JADE1: variants seen among roughly 807,000 people sequenced by gnomAD.
JADE1 encodes the protein jade family PHD finger 1.
Under a neutral mutation model 81.8 loss-of-function variants are expected in JADE1, and 14 were observed. The observed-to-expected ratio is 0.17, with a 90% CI of 0.11 to 0.27. The LOEUF is 0.27. Among genes scored for constraint, JADE1 ranks in the 10% least tolerant of loss-of-function variants. JADE1 has a pLI of 1.00. For synonymous variants in JADE1, 353 were observed against 391.9 expected (o/e 0.90, Z 1.17); for missense variants, 690 against 1,047.9 (o/e 0.66, Z 4.71).
At chr4:128,862,909 T>C (rs1560776688) in intron 9 of JADE1, 1 of 987,326 alleles carries the variant, frequency 1.0e-6, no homozygotes, top group Non-Finnish European at 1.2e-6. Context: ...TGTGTGTGTG[T>C]GTGTGCGCGT....
chr4:128,867,901 C>T lies in JADE1; in HGVS notation c.1549C>T (p.Arg517Trp), dbSNP rs746372557. 10 of 1,613,822 alleles carry T rather than the reference C, an allele frequency of 6.2e-6. No individual in the cohort carries two copies. The highest frequency in any genetic ancestry group is 8.5e-6 in the Non-Finnish European group (10 of 1,179,788). ...GGTGACCCGCAGGGAAAAGATTAAA[C>T]GGTCTGTGTGCAAAGTCCAGGAACA... ...YMVTRREKIK[R>W]SVCKVQEQIF... The change falls in exon 10 of 11, where the codon CGG becomes TGG. Residue 517 changes from arginine to tryptophan, a missense_variant. Arg to Trp is a moderately radical substitution (Grantham distance 101). Transcript: ENST00000226319.
intron 6 of JADE1, 56 bp from the exon 7 acceptor site, chr4:128,855,574 A>G: frequency 6.7e-7 from 1 of 1,483,182 alleles, no homozygotes; most frequent in South Asian, 1.3e-5. Flanking sequence ...ATATAATGGG[A>G]AAAATAACAT....
intron 2 of JADE1, among the ~76,000 whole-genome samples, chr4:128,837,853 C>G (rs1168706420): frequency 6.6e-6 from 1 of 152,198 alleles, no homozygotes; most frequent in African/African-American, 2.4e-5. Flanking sequence ...TGATCAGTGG[C>G]AAGGTTCTTT....
chr4:128,868,032 T>G (rs929944396), intron 10 of JADE1, 59 bp downstream of exon 10: 1 of 793,730 alleles, frequency 1.3e-6, no homozygotes, highest in Non-Finnish European at 2.1e-6. Flanking sequence ...GCTTTAACAC[T>G]GTTGAGGAAG....
At chr4:128,809,923 C>T (rs1424910896) in intron 1 of JADE1, 46 bp downstream of exon 1, 2 of 148,072 alleles carry the variant, frequency 1.4e-5, no homozygotes, top group Non-Finnish European at 3.0e-5. Context: ...GCGCGCCGCG[C>T]GTGTGTCCGC....
intron 6 of JADE1, among the ~76,000 whole-genome samples, chr4:128,852,616 A>C (rs1375848663): frequency 6.6e-6 from 1 of 152,218 alleles, no homozygotes; most frequent in Non-Finnish European, 1.5e-5. Context: ...GAGAAAACAA[A>C]CCTTTGAAAA....
intron 1 of JADE1, among the ~76,000 whole-genome samples, chr4:128,825,128 C>T (rs896486290): frequency 6.6e-6 from 1 of 152,154 alleles, no homozygotes; most frequent in Non-Finnish European, 1.5e-5. Flanking sequence ...CAACCTCTGC[C>T]TCCCGGGTTC....
At chr4:128,827,776 C>G (rs1356592240) in intron 1 of JADE1, 7 of 629,034 alleles carry the variant, frequency 1.1e-5, no homozygotes, top group Non-Finnish European at 1.4e-5. Flanking sequence ...GAAGGGCAAA[C>G]CCACAGGGCA....
At chr4:128,825,697 A>T (rs1340021669) in intron 1 of JADE1, among the ~76,000 whole-genome samples, 1 of 152,230 alleles carries the variant, frequency 6.6e-6, no homozygotes, top group African/African-American at 2.4e-5. Flanking sequence ...CAGACATTCC[A>T]TATCTTGTTC....
chr4:128,865,836 G>T (rs1040163724), intron 9 of JADE1, among the ~76,000 whole-genome samples: 1 of 152,132 alleles, frequency 6.6e-6, no homozygotes, highest in Non-Finnish European at 1.5e-5. Flanking sequence ...TGGCTTCCCC[G>T]TTTTCCATTT....
At chr4:128,866,270 T>C (rs1359180528) in intron 9 of JADE1, among the ~76,000 whole-genome samples, 2 of 152,216 alleles carry the variant, frequency 1.3e-5, no homozygotes, top group South Asian at 2.1e-4. Context: ...TATTCTCAAT[T>C]CTTTAAATTT....
chr4:128,813,391 C>G (rs953050533), intron 1 of JADE1, among the ~76,000 whole-genome samples: 10 of 142,884 alleles, frequency 7.0e-5, no homozygotes, highest in Non-Finnish European at 1.2e-4. Flanking sequence ...ATCTTAGTCT[C>G]ATTTACTTAC....
At chr4:128,865,164 C>T (rs1219322692) in intron 9 of JADE1, among the ~76,000 whole-genome samples, 2 of 152,198 alleles carry the variant, frequency 1.3e-5, no homozygotes, top group South Asian at 2.1e-4. Flanking sequence ...ACAGTGTCCC[C>T]TGAACAAAAG....
chr4:128,857,627 A>G (rs952986758), intron 8 of JADE1, among the ~76,000 whole-genome samples, 173 bp downstream of exon 8: 3 of 152,154 alleles, frequency 2.0e-5, no homozygotes, highest in African/African-American at 7.2e-5. Flanking sequence ...TTAATAGGCT[A>G]ACTGTATCCG....
intron 4 of JADE1, among the ~76,000 whole-genome samples, chr4:128,848,218 GC>G (rs1206065117): frequency 1.3e-5 from 2 of 152,048 alleles, no homozygotes; most frequent in Non-Finnish European, 2.9e-5. Flanking sequence ...TCACTCTGTT[GC>G]CCAGGCTGGA....
intron 9 of JADE1, chr4:128,864,920 G>A (rs1731670720): frequency 6.6e-6 from 1 of 152,212 alleles, no homozygotes; most frequent in Non-Finnish European, 1.5e-5. Flanking sequence ...ACAACTTTAA[G>A]AAGACACAGT....
chr4:128,816,693 G>A (rs1198913855), intron 1 of JADE1, among the ~76,000 whole-genome samples: 1 of 152,190 alleles, frequency 6.6e-6, no homozygotes, highest in Non-Finnish European at 1.5e-5. Flanking sequence ...TGTACGATGT[G>A]CACACAGTAA....
Position 128,849,031 on chromosome 4 carries a change from C to T in JADE1, c.348C>T (p.Ile116=), listed in dbSNP as rs201738680. Residue 116 remains isoleucine, a synonymous_variant, in exon 5 of 11, where the codon ATC becomes ATT. Coordinates refer to ENST00000226319, the MANE Select transcript of JADE1 (RefSeq NM_199320.4). The part of the protein sequence containing the change: ...SLMFIRPKKY[I]VSSGSEPPEL... ...TGTTCATCAGGCCCAAGAAGTACAT[C>T]GTGTCATCAGGCTCTGAGCCTCCCG... 1.2e-5 allele frequency: 20 copies of T among 1,613,998 alleles called. No individual in the cohort carries two copies. In the African/African-American group the frequency reaches 1.7e-4, roughly 14 times the overall value.
At chr4:128,816,264 C>T (rs1313314620) in intron 1 of JADE1, 1 of 152,090 alleles carries the variant, frequency 6.6e-6, no homozygotes, top group Non-Finnish European at 1.5e-5. Flanking sequence ...TTAGTTGAGT[C>T]TATTGAGTCT....
Sources: allele counts gnomAD v4.1 joint callset (sites outside exome capture counted in the v4.1 genomes callset), GRCh38; gene constraint gnomAD v4.1.1; transcripts MANE v1.5; gene names NCBI Gene and HGNC (gene_info 2026-07-23, HGNC 2026-07-21).